The following FHIT variants were observed in gnomAD, a reference collection of about 807,000 sequenced individuals.
The protein encoded by FHIT is bis(5'-adenosyl)-triphosphatase.
FHIT carries 19 observed loss-of-function variants against 17.9 expected under a neutral mutation model. That is an observed-to-expected ratio of 1.06 (90% confidence interval 0.74 to 1.56). The LOEUF is 1.56. Among genes scored for constraint, FHIT ranks in the 40% most tolerant of loss-of-function variants. FHIT has a pLI of 0.00. For missense variants in FHIT, 248 were observed against 189.2 expected, an observed-to-expected ratio of 1.31 and a Z score of -1.82; for synonymous variants, 81 against 69.7, an observed-to-expected ratio of 1.16 and a Z score of -0.81.
In FHIT at chr3:60,675,801, G is replaced by T. The variant is rs1348650329; in HGVS notation, c.-17-138822C>A. On this transcript the variant is annotated intron_variant, in intron 4 of 9. Transcript: ENST00000492590. ...TTTAGGTTCTGTACTTTTGAATAAA[G>T]GTGCAATCACAGCAAATCAAATTCT... 5.3e-5 allele frequency among the ~76,000 whole-genome samples: 8 copies of T among 152,138 alleles called. 1 individual carries two copies. Among genetic ancestry groups the T allele is most frequent in the African/African-American group, 1.9e-4 (8 of 41,434 alleles).
chr3:60,990,979 G>A (rs1575806197), intron 3 of FHIT, among the ~76,000 whole-genome samples: 2 of 152,192 alleles, frequency 1.3e-5, no homozygotes, highest in East Asian at 3.9e-4. Context: ...TGACAATGAG[G>A]GAAAACAGAC....
In FHIT at chr3:59,807,674, G is replaced by A. The variant is rs113592776; in HGVS notation, c.349-55353C>T. Among the ~76,000 whole-genome samples, 661 of 152,222 alleles carry A rather than the reference G, an allele frequency of 4.3e-3. 3 individuals carry two copies. Among genetic ancestry groups the A allele is most frequent in the South Asian group, 0.016 (77 of 4,808 alleles). On this transcript the variant is annotated intron_variant, in intron 8 of 9. Transcript: ENST00000492590. ...ATTTCAGAAAAGGAATGAGAAAAGG[G>A]GATATATCCATTGGAGGGTACCCAG...
chr3:60,401,305 A>G (rs942048773), intron 5 of FHIT, among the ~76,000 whole-genome samples: 5 of 152,054 alleles, frequency 3.3e-5, no homozygotes. Flanking sequence ...GTTATTCCTC[A>G]TTTTCCACCA....
intron 5 of FHIT, among the ~76,000 whole-genome samples, chr3:60,156,723 C>G (rs896734944): frequency 1.3e-5 from 2 of 152,086 alleles, no homozygotes; most frequent in Non-Finnish European, 2.9e-5. Context: ...CTGACTTTCA[C>G]CTGGGCAATG....
At chr3:60,180,071 G>C (rs375502310) in intron 5 of FHIT, among the ~76,000 whole-genome samples, 30 of 152,176 alleles carry the variant, frequency 2.0e-4, no homozygotes, top group African/African-American at 6.7e-4. Context: ...ACACAAACTG[G>C]GACAAGCAGC....
chr3:60,190,509 G>A (rs1324399272), intron 5 of FHIT, among the ~76,000 whole-genome samples: 1 of 152,220 alleles, frequency 6.6e-6, no homozygotes, highest in African/African-American at 2.4e-5. Context: ...AGCACTTTAG[G>A]AGTCCAAAGC....
At chr3:60,360,491 A>G (rs1437950994) in intron 5 of FHIT, among the ~76,000 whole-genome samples, 1 of 152,034 alleles carries the variant, frequency 6.6e-6, no homozygotes, top group Non-Finnish European at 1.5e-5. Flanking sequence ...CAAGTCTTTG[A>G]CTCTGAGAGC....
intron 3 of FHIT, among the ~76,000 whole-genome samples, chr3:60,955,677 G>T (rs1464822199): frequency 8.0e-6 from 1 of 125,204 alleles, no homozygotes; most frequent in Non-Finnish European, 1.7e-5. Context: ...ATTTCAAAAT[G>T]ATAAAAGAAA....
At chr3:60,734,973 A>G (rs1244969445) in intron 4 of FHIT, among the ~76,000 whole-genome samples, 3 of 152,234 alleles carry the variant, frequency 2.0e-5, no homozygotes, top group Non-Finnish European at 4.4e-5. Context: ...ACTCTGAACC[A>G]AAGCAATTAG....
chr3:60,891,602 AT>A (rs1258945062), intron 3 of FHIT, among the ~76,000 whole-genome samples: 29 of 152,188 alleles, frequency 1.9e-4, no homozygotes, highest in African/African-American at 7.0e-4. Flanking sequence ...ACGTGTCTAT[AT>A]TTTTTCAGTA....
chr3:61,121,050 G>T (rs1160082306), intron 2 of FHIT, among the ~76,000 whole-genome samples: 1 of 151,788 alleles, frequency 6.6e-6, no homozygotes, highest in Non-Finnish European at 1.5e-5. Flanking sequence ...AGAGAAAAAA[G>T]AATGAAAAGG....
chr3:60,122,611 T>A (rs1411953117), intron 5 of FHIT, among the ~76,000 whole-genome samples: 1 of 152,064 alleles, frequency 6.6e-6, no homozygotes, highest in African/African-American at 2.4e-5. Context: ...AACATTCAAT[T>A]CAGGACACGA....
intron 2 of FHIT, among the ~76,000 whole-genome samples, chr3:61,067,096 C>T (rs1360659919): frequency 6.6e-6 from 1 of 152,150 alleles, no homozygotes; most frequent in African/African-American, 2.4e-5. Flanking sequence ...CTTGAGGACC[C>T]TGGCAGCACA....
chr3:60,150,114 G>A (rs113790281), intron 5 of FHIT, among the ~76,000 whole-genome samples: 28,148 of 145,212 alleles, frequency 0.19, 3,016 homozygotes, highest in Middle Eastern at 0.38. Context: ...TCCTGCCTCA[G>A]CCTTCCTGAG....
At chr3:60,829,731 T>G (rs1195056590) in intron 3 of FHIT, among the ~76,000 whole-genome samples, 2 of 148,384 alleles carry the variant, frequency 1.3e-5, no homozygotes, top group East Asian at 2.0e-4. Flanking sequence ...TGGTTCAACT[T>G]GGGCTCCATT....
chr3:59,775,573 C>T (rs1702270665), intron 8 of FHIT, among the ~76,000 whole-genome samples: 1 of 152,124 alleles, frequency 6.6e-6, no homozygotes, highest in Admixed American at 6.5e-5. Flanking sequence ...TAAAATTCTC[C>T]TCACACTTTT....
chr3:60,763,925 T>G (rs973369108), intron 4 of FHIT, among the ~76,000 whole-genome samples: 5 of 152,204 alleles, frequency 3.3e-5, no homozygotes, highest in African/African-American at 1.2e-4. Context: ...TTGTGTTCAT[T>G]TGTTTCAAAC....
chr3:60,768,875 T>G (rs1699942905), intron 4 of FHIT, among the ~76,000 whole-genome samples: 1 of 152,200 alleles, frequency 6.6e-6, no homozygotes. Flanking sequence ...AAAAATACCC[T>G]GACTGGACCC....
chr3:61,040,827 C>A (rs17686275), intron 3 of FHIT, among the ~76,000 whole-genome samples: 1 of 152,102 alleles, frequency 6.6e-6, no homozygotes, highest in Non-Finnish European at 1.5e-5. Context: ...CTTATTCCCC[C>A]GATGGAAACT....
Sources: gnomAD v4.1 joint callset for allele counts (sites outside exome capture counted in the v4.1 genomes callset) on GRCh38, gnomAD v4.1.1 for gene constraint, MANE v1.5 for transcripts, NCBI Gene and HGNC (gene_info 2026-07-23, HGNC 2026-07-21) for gene names.